The following FRMD6 variants were observed in gnomAD, a reference collection of about 807,000 sequenced individuals.
FRMD6 encodes the protein FERM domain-containing protein 6.
A neutral mutation model predicts 73.2 loss-of-function variants in FRMD6; 37 were observed. The ratio of observed to expected loss-of-function variants is 0.51; its 90% confidence interval spans 0.39 to 0.66. The LOEUF is 0.66. Among genes scored for constraint, FRMD6 ranks in the 30% least tolerant of loss-of-function variants. The pLI is 0.00. For synonymous variants in FRMD6, 273 were observed against 282.2 expected, an observed-to-expected ratio of 0.97 and a Z score of 0.33; for missense variants, 714 against 780.5, an observed-to-expected ratio of 0.91 and a Z score of 1.02.
the FRMD6 span, among the ~76,000 whole-genome samples, chr14:51,443,448 T>G: frequency 6.6e-6 from 1 of 152,202 alleles, no homozygotes; most frequent in Non-Finnish European, 1.5e-5. Flanking sequence ...ACTCTCTCTA[T>G]CAGCATATGG....
chr14:51,559,205 T>G (rs1304550147), intron 1 of FRMD6, among the ~76,000 whole-genome samples: 1 of 152,218 alleles, frequency 6.6e-6, no homozygotes, highest in African/African-American at 2.4e-5. Context: ...ATATACTAAC[T>G]CTCACTCAGA....
chr14:51,716,256 A>G (rs908375063), intron 10 of FRMD6, among the ~76,000 whole-genome samples: 1 of 148,946 alleles, frequency 6.7e-6, no homozygotes, highest in Admixed American at 6.7e-5. Flanking sequence ...ACACACCCCA[A>G]CCCTAATCCT....
chr14:51,678,101 CCA>C (rs1358005760), intron 1 of FRMD6, among the ~76,000 whole-genome samples: 1 of 152,116 alleles, frequency 6.6e-6, no homozygotes, highest in Non-Finnish European at 1.5e-5. Flanking sequence ...CTAGTGCTTA[CCA>C]TATGCCTTAT....
chr14:51,668,558 A>C (rs758203931), intron 1 of FRMD6, among the ~76,000 whole-genome samples: 10 of 152,042 alleles, frequency 6.6e-5, no homozygotes, highest in Non-Finnish European at 1.5e-4. Context: ...TGCCCACCTT[A>C]GCCTCCCAAA....
rs1393431110 is a variant in FRMD6 at position 51,704,804 on chromosome 14, T to G, written c.427T>G (p.Ser143Ala). ...GCACCTGAGAAAACAAGTTCTTCAT[T>G]CTCAGTGTGTGCTCCGAGAGGAGGC... ...YWHLRKQVLH[S>A]QCVLREEAYF... The change falls in exon 6 of 14, where the codon TCT becomes GCT. Residue 143 changes from serine to alanine, a missense_variant. Physicochemically the swap from Ser to Ala is moderately conservative, Grantham distance 99. Coordinates refer to ENST00000344768, the MANE Select transcript of FRMD6 (RefSeq NM_001267046.2). The G allele has an allele frequency of 6.2e-7, 1 of 1,613,388 alleles. No homozygotes were observed. The highest frequency in any genetic ancestry group is 2.2e-5 in the East Asian group (1 of 44,858).
chr14:51,661,902 C>G (rs1190641863), intron 1 of FRMD6, among the ~76,000 whole-genome samples: 1 of 152,158 alleles, frequency 6.6e-6, no homozygotes, highest in Non-Finnish European at 1.5e-5. Context: ...GTAGGATGTG[C>G]AGTGGGACTT....
the FRMD6 span, among the ~76,000 whole-genome samples, chr14:51,466,565 T>C: frequency 6.6e-6 from 1 of 152,236 alleles, no homozygotes; most frequent in African/African-American, 2.4e-5. Flanking sequence ...TGGTTATATA[T>C]GTATAGGTGT....
chr14:51,730,688 T>G lies in FRMD6; in HGVS notation c.*2659T>G, dbSNP rs970882057. ...ATTATTTCTTATAGATATTTCATGG[T>G]AAGATTAGCAGTCAATAAAGTTACT... On this transcript the variant is annotated 3_prime_UTR_variant, in exon 14 of 14. Coordinates refer to ENST00000344768, the MANE Select transcript of FRMD6 (RefSeq NM_001267046.2). The G allele has an allele frequency of 6.6e-6, 1 of 152,276 alleles. No individual in the cohort carries two copies. The highest frequency in any genetic ancestry group is 2.1e-4 in the South Asian group (1 of 4,830). 9.4% of individuals were successfully genotyped at this position (152,276 alleles called of 1,614,324 possible).
chr14:51,401,744 C>T, the FRMD6 span, among the ~76,000 whole-genome samples: 234 of 152,314 alleles, frequency 1.5e-3, no homozygotes, highest in Middle Eastern at 3.4e-3. Flanking sequence ...AATCACTATA[C>T]TGTGATGAAT....
At chr14:51,715,181 CAAT>C (rs1897171176) in intron 9 of FRMD6, 141 bp from the exon 10 acceptor site, 1 of 641,852 alleles carries the variant, frequency 1.6e-6, no homozygotes, top group Non-Finnish European at 2.4e-6. Context: ...AAAGGAAAAA[CAAT>C]AATTTATCCC....
intron 1 of FRMD6, among the ~76,000 whole-genome samples, chr14:51,567,547 C>G (rs1160068889): frequency 1.3e-5 from 2 of 152,138 alleles, no homozygotes; most frequent in Admixed American, 1.3e-4. Flanking sequence ...GCTATGTTGC[C>G]CAGGCTGATC....
rs558586657 is a variant in FRMD6, at chr14:51,682,960, A to G, written c.-146-6731A>G. On this transcript the variant is annotated intron_variant, in intron 1 of 13. Transcript: ENST00000344768. ...TGTGATCAATAGCCCCACTGGAAAG[A>G]TGGTGCCAGGCAGACTAAAACAGAT... is the stretch of plus-strand genomic sequence containing the variant. Among the ~76,000 whole-genome samples, 22 of 152,300 alleles carry G rather than the reference A, an allele frequency of 1.4e-4. No individual in the cohort carries two copies. The East Asian group carries it at 3.9e-3, about 27-fold the overall frequency.
intron 2 of FRMD6, among the ~76,000 whole-genome samples, chr14:51,618,190 CT>C (rs549895762): frequency 9.9e-5 from 15 of 152,216 alleles, no homozygotes; most frequent in African/African-American, 2.6e-4. Context: ...GGGTGTAAAA[CT>C]TTTTAGAAGA....
At chr14:51,439,151 A>G in the FRMD6 span, among the ~76,000 whole-genome samples, 1 of 152,232 alleles carries the variant, frequency 6.6e-6, no homozygotes, top group Admixed American at 6.5e-5. Flanking sequence ...AAGCTTTTTG[A>G]TGTATAAAAC....
chr14:51,723,633 A>G (rs577115536), intron 12 of FRMD6, among the ~76,000 whole-genome samples: 1 of 152,018 alleles, frequency 6.6e-6, no homozygotes, highest in African/African-American at 2.4e-5. Flanking sequence ...TGCAAAAAAA[A>G]AAAATTAGCT....
chr14:51,436,439 C>A, the FRMD6 span: 2 of 528,192 alleles, frequency 3.8e-6, no homozygotes, highest in Non-Finnish European at 6.8e-6. Context: ...AATCAAATTG[C>A]TGAATAGATT....
chr14:51,653,043 A>G (rs1030778412), intron 1 of FRMD6, among the ~76,000 whole-genome samples: 4 of 152,166 alleles, frequency 2.6e-5, no homozygotes, highest in Non-Finnish European at 5.9e-5. Context: ...TTATTTTTTT[A>G]CGCAAAATCT....
chr14:51,474,315 G>C, the FRMD6 span, among the ~76,000 whole-genome samples: 1 of 152,192 alleles, frequency 6.6e-6, no homozygotes, highest in African/African-American at 2.4e-5. Context: ...GAAAGACAAA[G>C]CAGTTAAACA....
At chr14:51,571,913 A>T (rs149668201) in intron 2 of FRMD6, among the ~76,000 whole-genome samples, 1 of 152,356 alleles carries the variant, frequency 6.6e-6, no homozygotes, top group East Asian at 1.9e-4. Context: ...ACAAGCAGAC[A>T]GGGGAGATAT....
Sources: gnomAD v4.1 joint callset for allele counts (sites outside exome capture counted in the v4.1 genomes callset) on GRCh38, gnomAD v4.1.1 for gene constraint, MANE v1.5 for transcripts, NCBI Gene and HGNC (gene_info 2026-07-23, HGNC 2026-07-21) for gene names.